PTPRD: variants seen among roughly 807,000 people sequenced by gnomAD.
PTPRD encodes receptor-type tyrosine-protein phosphatase delta.
PTPRD carries 34 observed loss-of-function variants against 214.5 expected under a neutral mutation model. The ratio of observed to expected loss-of-function variants is 0.16; its 90% CI spans 0.12 to 0.21. PTPRD has a LOEUF of 0.21. PTPRD is among the 10% of genes least tolerant of loss of function. The pLI is 1.00. For missense variants in PTPRD, 2,545 were observed against 2,398.7 expected (o/e 1.06, Z -1.27); for synonymous variants, 1,128 against 845.7 (o/e 1.33, Z -5.79).
At chr9:10,066,719 G>A (rs2097892801) in intron 3 of PTPRD, among the ~76,000 whole-genome samples, 1 of 151,844 alleles carries the variant, frequency 6.6e-6, no homozygotes. Flanking sequence ...GATACTCAGA[G>A]CAGTACACAC....
intron 5 of PTPRD, among the ~76,000 whole-genome samples, chr9:9,900,158 C>A (rs2076048796): frequency 6.6e-6 from 1 of 152,160 alleles, no homozygotes; most frequent in African/African-American, 2.4e-5. Flanking sequence ...TCCTTCCTTC[C>A]CTACCACATG....
intron 11 of PTPRD, among the ~76,000 whole-genome samples, chr9:9,006,311 G>T (rs1291500488): frequency 6.6e-6 from 1 of 151,944 alleles, no homozygotes; most frequent in Non-Finnish European, 1.5e-5. Context: ...TATAAATTTG[G>T]ATTCTCCTCC....
rs982665039 is a variant in PTPRD, at chr9:9,492,248, T to TA, written c.-237+82483dup. On this transcript the variant is annotated intron_variant, in intron 8 of 45. Transcript: ENST00000381196. ...ACTAGCAAAAAGATTGTATCAATAA[T>TA]AAAAAAAAAACCTGACATATATCTT... Among the ~76,000 whole-genome samples the TA allele has an allele frequency of 8.8e-4, 102 of 115,296 alleles. 1 individual carries two copies. The highest frequency in any genetic ancestry group is 7.2e-3 in the East Asian group (31 of 4,290). 75.6% of individuals were successfully genotyped at this position (115,296 alleles called of 152,430 possible).
chr9:8,976,769 G>A lies in PTPRD; in HGVS notation c.-104+41928C>T, dbSNP rs192688420. Among the ~76,000 whole-genome samples, 88 of 152,170 alleles carry A rather than the reference G, an allele frequency of 5.8e-4. 3 individuals are homozygous for A. The South Asian group carries it at 8.9e-3, about 15-fold the overall frequency. ...TTAAATATTTTCCTCTCAGAGTAAC[G>A]TAATTGGAGAGTATTCCTAAATGGA... On this transcript the variant is annotated intron_variant, in intron 11 of 45. Coordinates refer to ENST00000381196, the MANE Select transcript of PTPRD (RefSeq NM_002839.4).
Position 9,537,428 on chromosome 9 carries a change from G to A in PTPRD, c.-237+37304C>T, listed in dbSNP as rs150421358. ...TCATACTTTTCTTTTTAAATGTTAT[G>A]GCACATTCAACAGCACATTTTCTTA... On this transcript the variant is annotated intron_variant, in intron 8 of 45. Coordinates refer to ENST00000381196, the MANE Select transcript of PTPRD (RefSeq NM_002839.4). Among the ~76,000 whole-genome samples, 15 of 151,922 alleles carry A rather than the reference G, an allele frequency of 9.9e-5. No homozygotes were observed. In the East Asian group the frequency reaches 1.9e-3, roughly 20 times the overall value.
chr9:9,146,340 G>C (rs930326211), intron 10 of PTPRD, among the ~76,000 whole-genome samples: 1 of 151,996 alleles, frequency 6.6e-6, no homozygotes, highest in Non-Finnish European at 1.5e-5. Context: ...TGTGATTTAT[G>C]GGCCAGATAT....
intron 5 of PTPRD, among the ~76,000 whole-genome samples, chr9:9,818,478 T>G (rs1169101817): frequency 1.3e-5 from 2 of 152,106 alleles, no homozygotes; most frequent in African/African-American, 2.4e-5. Flanking sequence ...TTATGAGTAA[T>G]GTTGATGTTA....
intron 5 of PTPRD, among the ~76,000 whole-genome samples, chr9:9,898,335 T>C (rs924436874): frequency 1.2e-4 from 18 of 152,048 alleles, no homozygotes; most frequent in South Asian, 6.2e-4. Flanking sequence ...ATGAAGGAGA[T>C]AGATTTTAAT....
chr9:10,432,052 C>T (rs1219019577), intron 2 of PTPRD, among the ~76,000 whole-genome samples: 28 of 151,818 alleles, frequency 1.8e-4, no homozygotes, highest in Admixed American at 4.6e-4. Context: ...CCAACAATGA[C>T]AGACTGGATT....
intron 45 of PTPRD, among the ~76,000 whole-genome samples, chr9:8,318,949 T>C (rs778316091): frequency 1.4e-4 from 21 of 152,190 alleles, no homozygotes; most frequent in Non-Finnish European, 2.6e-4. Flanking sequence ...CATTTTTCTG[T>C]AATAAAAATG....
intron 11 of PTPRD, among the ~76,000 whole-genome samples, chr9:9,004,790 A>G (rs2099450251): frequency 6.6e-6 from 1 of 152,090 alleles, no homozygotes; most frequent in African/African-American, 2.4e-5. Flanking sequence ...GCAAGAGCAG[A>G]GGAACTAGTA....
At chr9:10,194,349 G>T (rs1476786405) in intron 3 of PTPRD, among the ~76,000 whole-genome samples, 605 of 7,100 alleles carry the variant, frequency 0.085, 2 homozygotes, top group African/African-American at 0.17. Flanking sequence ...TATATATAGA[G>T]AGAGAGAGAG....
chr9:9,891,487 C>A (rs2073309181), intron 5 of PTPRD, among the ~76,000 whole-genome samples: 1 of 151,798 alleles, frequency 6.6e-6, no homozygotes, highest in African/African-American at 2.4e-5. Context: ...TCTTCTGTCA[C>A]ATAAATGCTA....
intron 2 of PTPRD, among the ~76,000 whole-genome samples, chr9:10,382,103 T>G (rs936790729): frequency 2.0e-5 from 3 of 151,890 alleles, no homozygotes; most frequent in Non-Finnish European, 4.4e-5. Flanking sequence ...TTTCCAAAAC[T>G]GGTACTTATT....
At chr9:10,107,175 C>T (rs1399039142) in intron 3 of PTPRD, among the ~76,000 whole-genome samples, 1 of 151,898 alleles carries the variant, frequency 6.6e-6, no homozygotes, top group Non-Finnish European at 1.5e-5. Context: ...TGAAAGTGGA[C>T]TTGGCAGATG....
intron 2 of PTPRD, among the ~76,000 whole-genome samples, chr9:10,543,802 T>C (rs73396244): frequency 0.12 from 17,687 of 152,184 alleles, 1,465 homozygotes; most frequent in African/African-American, 0.23. Flanking sequence ...AATAGTAGTA[T>C]ATAACCACAA....
rs770064005 is a variant in PTPRD, at chr9:8,710,877, T to C, written c.64+22903A>G. On this transcript the variant is annotated intron_variant, in intron 12 of 45. Transcript: ENST00000381196. ...AGGATCTCCATCAAACGAATAAAACTAGCCTTAAACTTTAGGCTGAAATAA... is the reference window on the plus strand; with the variant it reads ...AGGATCTCCATCAAACGAATAAAACCAGCCTTAAACTTTAGGCTGAAATAA... Among the ~76,000 whole-genome samples the C allele has an allele frequency of 1.4e-4, 21 of 152,192 alleles. 1 individual carries two copies. The highest frequency in any genetic ancestry group is 2.8e-4 in the Non-Finnish European group (19 of 68,026).
intron 14 of PTPRD, among the ~76,000 whole-genome samples, chr9:8,541,087 A>G (rs1245958125): frequency 6.6e-6 from 1 of 152,210 alleles, no homozygotes; most frequent in African/African-American, 2.4e-5. Flanking sequence ...GTACATGAAT[A>G]AGCAGTTAAA....
intron 3 of PTPRD, among the ~76,000 whole-genome samples, chr9:10,327,628 A>C (rs566249020): frequency 6.6e-6 from 1 of 151,896 alleles, no homozygotes; most frequent in South Asian, 2.1e-4. Flanking sequence ...AACATTTCTT[A>C]GACAAGTTTG....
Sources: allele counts gnomAD v4.1 joint callset (sites outside exome capture counted in the v4.1 genomes callset), GRCh38; gene constraint gnomAD v4.1.1; transcripts MANE v1.5; gene names NCBI Gene and HGNC (gene_info 2026-07-23, HGNC 2026-07-21).